The following RGS6 variants were observed in gnomAD, a reference collection of about 807,000 sequenced individuals.
RGS6 encodes regulator of G protein signaling 6, also known as regulator of G-protein signaling 6.
Under a neutral mutation model 78.5 loss-of-function variants are expected in RGS6, and 30 were observed. The observed-to-expected ratio is 0.38, with a 90% confidence interval of 0.29 to 0.52. The LOEUF (loss-of-function observed/expected upper bound fraction) is 0.52. RGS6 is among the 20% of genes least tolerant of loss of function. The probability of loss-of-function intolerance (pLI) is 0.85; values close to 1 mark genes in which losing one functional copy is unlikely to be tolerated. For missense variants in RGS6, 495 were observed against 609.7 expected, an observed-to-expected ratio of 0.81 and a Z score of 1.98; for synonymous variants, 206 against 206.0, an observed-to-expected ratio of 1.00 and a Z score of 0.00.
rs985660710 is a variant in RGS6 at position 71,932,663 on chromosome 14, G to C, written c.-299G>C. 36 of 152,388 alleles carry C rather than the reference G, an allele frequency of 2.4e-4. No individual in the cohort carries two copies. Among genetic ancestry groups the C allele is most frequent in the African/African-American group, 7.2e-4 (30 of 41,590 alleles). The allele number at this position is 152,388 out of a possible 1,614,324, so 9.4% of individuals were successfully genotyped here. A position where few individuals can be genotyped will look rare whatever the true frequency, so the allele number is the denominator to read the frequency against. On this transcript the variant is annotated 5_prime_UTR_variant, in exon 1 of 18. Coordinates refer to ENST00000553525, the MANE Select transcript of RGS6 (RefSeq NM_001204424.2). The stretch of plus-strand genomic sequence containing the variant: ...GCCGGGGACACCCTGTGCGCCCCGA[G>C]TCCCGGCACCATGCGACCCGCCGCG...
chr14:72,279,025 C>G (rs1429061327), intron 2 of RGS6, among the ~76,000 whole-genome samples: 1 of 152,086 alleles, frequency 6.6e-6, no homozygotes, highest in African/African-American at 2.4e-5. Flanking sequence ...CCGATTGAGA[C>G]CCTACCTTAT....
intron 3 of RGS6, among the ~76,000 whole-genome samples, chr14:72,398,649 G>A (rs1321701164): frequency 6.6e-6 from 1 of 152,120 alleles, no homozygotes; most frequent in African/African-American, 2.4e-5. Context: ...ATGTTAGGGT[G>A]TCAATTTTAG....
chr14:72,459,026 A>G (rs1267068437), intron 5 of RGS6, among the ~76,000 whole-genome samples: 3 of 152,192 alleles, frequency 2.0e-5, no homozygotes, highest in South Asian at 4.2e-4. Flanking sequence ...AGAAAACTGA[A>G]TTGCTCAAAG....
intron 12 of RGS6, among the ~76,000 whole-genome samples, chr14:72,486,911 G>T (rs756584308): frequency 3.2e-4 from 48 of 152,056 alleles, no homozygotes; most frequent in Admixed American, 5.2e-4. Flanking sequence ...AGAGGAGATC[G>T]CCTTCCCTCT....
chr14:72,249,050 A>G (rs2054959049), intron 2 of RGS6, among the ~76,000 whole-genome samples: 1 of 152,178 alleles, frequency 6.6e-6, no homozygotes, highest in Non-Finnish European at 1.5e-5. Context: ...TTTAGCTGGG[A>G]CTCCCTGTAA....
At chr14:72,476,410 G>A (rs1262098937) in intron 10 of RGS6, among the ~76,000 whole-genome samples, 1 of 152,200 alleles carries the variant, frequency 6.6e-6, no homozygotes, top group East Asian at 1.9e-4. Flanking sequence ...AGTCCAGGGG[G>A]CGAGGGGATA....
chr14:71,953,856 C>T (rs570053446), intron 1 of RGS6, among the ~76,000 whole-genome samples: 23 of 151,876 alleles, frequency 1.5e-4, no homozygotes, highest in Non-Finnish European at 1.9e-4. Flanking sequence ...GCATTTCTTG[C>T]ATAGCAGGTT....
At chr14:72,398,149 T>C (rs1407905691) in intron 3 of RGS6, among the ~76,000 whole-genome samples, 2 of 152,222 alleles carry the variant, frequency 1.3e-5, no homozygotes, top group Non-Finnish European at 2.9e-5. Flanking sequence ...CTTGTACCTC[T>C]GGTAGAATTC....
intron 3 of RGS6, among the ~76,000 whole-genome samples, chr14:72,414,189 G>A (rs1475728966): frequency 9.2e-5 from 14 of 152,210 alleles, no homozygotes; most frequent in Admixed American, 1.3e-4. Context: ...CATTCTCCCT[G>A]TCACTTTCAG....
intron 3 of RGS6, among the ~76,000 whole-genome samples, chr14:72,376,570 A>G (rs755837167): frequency 5.9e-5 from 9 of 152,234 alleles, no homozygotes; most frequent in Non-Finnish European, 1.3e-4. Flanking sequence ...GTCAAAGACA[A>G]ACAGCAAAAG....
chr14:72,099,544 A>G (rs1352759633), intron 2 of RGS6, among the ~76,000 whole-genome samples: 1 of 152,134 alleles, frequency 6.6e-6, no homozygotes, highest in Admixed American at 6.5e-5. Flanking sequence ...GGAGTCACAC[A>G]TCTGTAAGAT....
chr14:72,518,461 A>C lies in RGS6; in HGVS notation c.1202A>C (p.Asn401Thr). The stretch of plus-strand genomic sequence containing the variant: ...GCTCCAGGGGCTCCAAGTGCAATCA[A>C]CCTGGATTCTCACAGCTATGAGATA... ...FLAPGAPSAI[N>T]LDSHSYEITS... The change falls in exon 15 of 18, where the codon AAC becomes ACC. Residue 401 changes from asparagine (N) to threonine (T), a missense_variant. By Grantham distance (65) the Asn-to-Thr change is moderately conservative. Transcript: ENST00000553525. 6.2e-7 allele frequency: 1 copy of C among 1,614,216 alleles called. No homozygotes were observed. Among genetic ancestry groups the C allele is most frequent in the Non-Finnish European group, 8.5e-7 (1 of 1,180,032 alleles).
chr14:72,383,223 C>CAA (rs2086799518), intron 3 of RGS6, among the ~76,000 whole-genome samples: 1 of 129,048 alleles, frequency 7.7e-6, no homozygotes, highest in African/African-American at 2.9e-5. Flanking sequence ...TACACACAAA[C>CAA]ACACTAGTAT....
At chr14:72,368,537 G>A (rs1200027286) in intron 3 of RGS6, among the ~76,000 whole-genome samples, 3 of 152,074 alleles carry the variant, frequency 2.0e-5, no homozygotes, top group Admixed American at 1.3e-4. Flanking sequence ...ATGATGGATG[G>A]CATCATCACT....
the RGS6 span, among the ~76,000 whole-genome samples, chr14:71,876,941 G>A: frequency 6.6e-6 from 1 of 152,140 alleles, no homozygotes. Context: ...ATGAAGCTTA[G>A]TTTGGCTAGA....
chr14:72,264,750 G>T (rs1267413389), intron 2 of RGS6, among the ~76,000 whole-genome samples: 1 of 152,126 alleles, frequency 6.6e-6, no homozygotes, highest in Non-Finnish European at 1.5e-5. Flanking sequence ...TGCAATCCTG[G>T]GTCTCTCCCA....
chr14:72,210,336 G>C (rs1335539957), intron 2 of RGS6, among the ~76,000 whole-genome samples: 1 of 152,066 alleles, frequency 6.6e-6, no homozygotes, highest in Non-Finnish European at 1.5e-5. Flanking sequence ...CCTAGTTCAG[G>C]TTGCTTGTAT....
At chr14:72,179,794 G>C (rs765744529) in intron 2 of RGS6, among the ~76,000 whole-genome samples, 28 of 152,096 alleles carry the variant, frequency 1.8e-4, no homozygotes, top group Non-Finnish European at 2.6e-4. Context: ...CTGGGAACTT[G>C]TTACAAATGC....
the RGS6 span, among the ~76,000 whole-genome samples, chr14:72,572,170 T>C: frequency 3.9e-5 from 6 of 152,142 alleles, no homozygotes; most frequent in Non-Finnish European, 5.9e-5. Flanking sequence ...TGTCAGAATG[T>C]AGAGTTCTGG....
Sources: gnomAD v4.1 joint callset for allele counts (sites outside exome capture counted in the v4.1 genomes callset) on GRCh38, gnomAD v4.1.1 for gene constraint, MANE v1.5 for transcripts, NCBI Gene and HGNC (gene_info 2026-07-23, HGNC 2026-07-21) for gene names.